WWC1: variants seen among roughly 807,000 people sequenced by gnomAD.
WWC1 encodes the protein WW and C2 domain containing 1.
A neutral mutation model predicts 138.4 loss-of-function variants in WWC1; 55 were observed. The observed-to-expected ratio is 0.40, with a 90% confidence interval of 0.32 to 0.50. WWC1 has a LOEUF of 0.50. Ranked by LOEUF, WWC1 falls within the 20% of genes least tolerant of loss-of-function variation. WWC1 has a pLI of 0.72. For missense variants in WWC1, 1,226 were observed against 1,420.4 expected (o/e 0.86, Z 2.20); for synonymous variants, 524 against 564.9 (o/e 0.93, Z 1.03).
intron 17 of WWC1, among the ~76,000 whole-genome samples, chr5:168,449,858 A>G (rs903791439): frequency 2.2e-4 from 34 of 152,218 alleles, no homozygotes; most frequent in African/African-American, 7.7e-4. Flanking sequence ...TACAGGCATG[A>G]GCCACCGCAC....
intron 2 of WWC1, among the ~76,000 whole-genome samples, chr5:168,384,206 C>T (rs757019394): frequency 3.8e-4 from 58 of 152,076 alleles, no homozygotes; most frequent in Non-Finnish European, 5.7e-4. Flanking sequence ...AACCTCTCTA[C>T]GTCTCAGTTT....
rs769014892 is a variant in WWC1 at position 168,455,416 on chromosome 5, G to A, written c.2719G>A (p.Asp907Asn). 2 of 1,611,742 alleles carry A rather than the reference G, an allele frequency of 1.2e-6. No homozygotes were observed. Among genetic ancestry groups the A allele is most frequent in the Non-Finnish European group, 1.7e-6 (2 of 1,179,020 alleles). The change falls in exon 19 of 23, where the codon GAC (aspartate) becomes AAC (asparagine). Residue 907 changes from aspartate (D) to asparagine (N), a missense_variant. Asp to Asn is a conservative substitution (Grantham distance 23, BLOSUM62 1). This residue lies in a region of WWC1 where 1,016 missense variants were observed against 1,153.9 expected (regional missense o/e 0.88). Coordinates refer to ENST00000265293, the MANE Select transcript of WWC1 (RefSeq NM_015238.3). ...ATCCCCCACAGTGGTGCGACCTAAG[G>A]ACCGGAGAGTGGGCACCCCGTCCCA... is the stretch of plus-strand genomic sequence containing the variant. ...APSPTVVRPK[D>N]RRVGTPSQGP...
At chr5:168,453,462 A>G (rs1158390497) in intron 17 of WWC1, among the ~76,000 whole-genome samples, 1 of 152,192 alleles carries the variant, frequency 6.6e-6, no homozygotes, top group African/African-American at 2.4e-5. Flanking sequence ...GGAATGTTCT[A>G]CATCTCAAGT....
chr5:168,416,182 T>C (rs561599564), intron 9 of WWC1: 61 of 152,274 alleles, frequency 4.0e-4, no homozygotes, highest in African/African-American at 1.4e-3. Context: ...GACTCATCGA[T>C]GGTAGGAATC....
At chr5:168,370,578 C>G (rs1776674239) in intron 1 of WWC1, among the ~76,000 whole-genome samples, 1 of 152,082 alleles carries the variant, frequency 6.6e-6, no homozygotes, top group African/African-American at 2.4e-5. Flanking sequence ...GGGAAGAAAC[C>G]AAAGTGACTG....
chr5:168,310,922 T>TA (rs890347970), intron 1 of WWC1, among the ~76,000 whole-genome samples: 2 of 152,138 alleles, frequency 1.3e-5, no homozygotes, highest in African/African-American at 4.8e-5. Flanking sequence ...GTTGTTCTCT[T>TA]ACATAACCAC....
At chr5:168,405,016 T>C (rs144458469) in intron 5 of WWC1, among the ~76,000 whole-genome samples, 308 of 152,132 alleles carry the variant, frequency 2.0e-3, no homozygotes, top group African/African-American at 6.9e-3. Context: ...TCTTAGCTCA[T>C]CACAAGATTG....
chr5:168,419,145 G>A (rs1582229688), intron 9 of WWC1, among the ~76,000 whole-genome samples: 5 of 152,148 alleles, frequency 3.3e-5, no homozygotes, highest in Non-Finnish European at 5.9e-5. Context: ...GGGATGGCAT[G>A]ACTTGGCTTT....
rs1446117007 is a variant in WWC1 at position 168,471,805 on chromosome 5, A to C, written c.*2788A>C. On this transcript the variant is annotated 3_prime_UTR_variant, in exon 23 of 23. Coordinates refer to ENST00000265293, the MANE Select transcript of WWC1 (RefSeq NM_015238.3). ...ATTAGGAAAATGAGGTCAACCTGCA[A>C]AGGAAAGCAGATGCAAGAGATGGAG... The C allele has an allele frequency of 6.6e-6, 1 of 152,274 alleles. No homozygotes were observed. The highest frequency in any genetic ancestry group is 1.5e-5 in the Non-Finnish European group (1 of 68,062). 9.4% of individuals were successfully genotyped at this position (152,274 alleles called of 1,614,324 possible). A position where few individuals can be genotyped will look rare whatever the true frequency, so the allele number is the denominator to read the frequency against.
At chr5:168,319,954 A>G (rs1021862938) in intron 1 of WWC1, among the ~76,000 whole-genome samples, 19 of 151,550 alleles carry the variant, frequency 1.3e-4, no homozygotes, top group Non-Finnish European at 1.0e-4. Flanking sequence ...AGCCAACCTA[A>G]TGGGTATGAA....
chr5:168,347,441 C>A (rs2152784230), intron 1 of WWC1, among the ~76,000 whole-genome samples: 1 of 152,332 alleles, frequency 6.6e-6, no homozygotes, highest in South Asian at 2.1e-4. Context: ...CTAATCCTGA[C>A]TGCTTCTCTA....
At chr5:168,355,909 G>C (rs1582017936) in intron 1 of WWC1, among the ~76,000 whole-genome samples, 1 of 91,480 alleles carries the variant, frequency 1.1e-5, no homozygotes, top group East Asian at 4.1e-4. Flanking sequence ...AGAGAGGGAA[G>C]GAACAAGAGA....
chr5:168,395,417 A>G (rs10065106), intron 3 of WWC1, among the ~76,000 whole-genome samples: 26,401 of 152,186 alleles, frequency 0.17, 2,462 homozygotes, highest in African/African-American at 0.24. Flanking sequence ...TGAGTGAGAA[A>G]TGGTGTTAAC....
rs148124104 is a variant in WWC1, at chr5:168,389,307, C to T, written c.433+3893C>T. Among the ~76,000 whole-genome samples, 625 of 151,768 alleles carry T rather than the reference C, an allele frequency of 4.1e-3. 3 individuals carry two copies. Among genetic ancestry groups the T allele is most frequent in the Middle Eastern group, 0.017 (5 of 294 alleles). ...ATGAAAAATACAAAAATTAGCTGGG[C>T]GTGGTGGCGCATGCCTGTAGTCCCA... On this transcript the variant is annotated intron_variant, in intron 3 of 22. Coordinates refer to ENST00000265293, the MANE Select transcript of WWC1 (RefSeq NM_015238.3).
intron 19 of WWC1, among the ~76,000 whole-genome samples, chr5:168,459,238 G>C (rs889143442): frequency 7.3e-6 from 1 of 137,400 alleles, no homozygotes; most frequent in African/African-American, 2.7e-5. Flanking sequence ...TGGGCGAAAG[G>C]AGTGAAACCC....
chr5:168,350,091 A>C (rs115975290), intron 1 of WWC1, among the ~76,000 whole-genome samples: 1 of 152,194 alleles, frequency 6.6e-6, no homozygotes, highest in Non-Finnish European at 1.5e-5. Flanking sequence ...ATTGGTTCAC[A>C]TACTGGGAAA....
At chr5:168,304,663 G>A (rs1770388774) in intron 1 of WWC1, among the ~76,000 whole-genome samples, 1 of 152,006 alleles carries the variant, frequency 6.6e-6, no homozygotes, top group Non-Finnish European at 1.5e-5. Flanking sequence ...GAGCTCTCTG[G>A]GTAACTCTGC....
intron 1 of WWC1, among the ~76,000 whole-genome samples, chr5:168,325,957 A>C (rs929663621): frequency 6.6e-6 from 1 of 152,124 alleles, no homozygotes; most frequent in Non-Finnish European, 1.5e-5. Flanking sequence ...AATACATAAG[A>C]CTCATCCATG....
chr5:168,313,287 G>A (rs2152750738), intron 1 of WWC1, among the ~76,000 whole-genome samples: 1 of 151,672 alleles, frequency 6.6e-6, no homozygotes, highest in Non-Finnish European at 1.5e-5. Flanking sequence ...TTGCCTGGGA[G>A]TTTATTAGAA....
Sources: gnomAD v4.1 joint callset for allele counts (sites outside exome capture counted in the v4.1 genomes callset) on GRCh38, gnomAD v4.1.1 for gene constraint, gnomAD v4.1.1 regional missense constraint, MANE v1.5 for transcripts, NCBI Gene and HGNC (gene_info 2026-07-23, HGNC 2026-07-21) for gene names.